Variants in EPHB2 observed in about 807,000 individuals in gnomAD.
EPHB2 encodes ephrin type-B receptor 2.
Under a neutral mutation model 96.4 loss-of-function variants are expected in EPHB2, and 18 were observed. That is an observed-to-expected ratio of 0.19 (90% CI 0.13 to 0.28). The LOEUF (loss-of-function observed/expected upper bound fraction) is 0.28. Ranked by LOEUF, EPHB2 falls within the 10% of genes least tolerant of loss-of-function variation. The probability of loss-of-function intolerance (pLI) is 1.00; values close to 1 mark genes in which losing one functional copy is unlikely to be tolerated. For synonymous variants in EPHB2, 506 were observed against 534.1 expected, an observed-to-expected ratio of 0.95 and a Z score of 0.72; for missense variants, 989 against 1,355.4, an observed-to-expected ratio of 0.73 and a Z score of 4.25.
At position 22,710,923 on chromosome 1, in the gene EPHB2, TCCCGCCCGG is replaced by T. The variant is rs1280179756; in HGVS notation, c.-59_-51del. 3 of 144,796 alleles carry T rather than the reference TCCCGCCCGG, an allele frequency of 2.1e-5. No homozygotes were observed. Among genetic ancestry groups the T allele is most frequent in the Non-Finnish European group, 4.6e-5 (3 of 65,322 alleles). 9.0% of individuals were successfully genotyped at this position (144,796 alleles called of 1,614,324 possible). On this transcript the variant is annotated 5_prime_UTR_variant, in exon 1 of 16. Coordinates refer to ENST00000374630, the MANE Select transcript of EPHB2 (RefSeq NM_017449.5). ...GGCCCCCCGAGCCCGGGGCGCGCGCTCCCGCCCGGGCCGTCCGGGCCCCGCGGCGCCGCG... is the reference window on the plus strand; with the variant it reads ...GGCCCCCCGAGCCCGGGGCGCGCGCTGCCGTCCGGGCCCCGCGGCGCCGCG...
intron 1 of EPHB2, among the ~76,000 whole-genome samples, chr1:22,734,916 C>CA (rs1643793966): frequency 6.6e-6 from 1 of 152,164 alleles, no homozygotes; most frequent in Admixed American, 6.5e-5. Context: ...ATAATGAATA[C>CA]AACTTTGTTT....
chr1:22,827,400 T>G (rs966349304), intron 3 of EPHB2, among the ~76,000 whole-genome samples: 2 of 152,186 alleles, frequency 1.3e-5, no homozygotes, highest in African/African-American at 4.8e-5. Flanking sequence ...GGAAGAGAGG[T>G]GCCCCTCGTC....
chr1:22,805,128 G>A (rs1644905672), intron 3 of EPHB2, among the ~76,000 whole-genome samples: 1 of 150,960 alleles, frequency 6.6e-6, no homozygotes, highest in African/African-American at 2.4e-5. Context: ...CCCAGGGCTG[G>A]CATCCTGCAG....
At chr1:22,721,802 CAG>C (rs1483244489) in intron 1 of EPHB2, among the ~76,000 whole-genome samples, 1 of 148,580 alleles carries the variant, frequency 6.7e-6, no homozygotes, top group African/African-American at 2.5e-5. Context: ...TTTGTAGAGA[CAG>C]AGTCTTTCAC....
At chr1:22,711,318 T>TG (rs1437576300) in intron 1 of EPHB2, among the ~76,000 whole-genome samples, 1 of 146,186 alleles carries the variant, frequency 6.8e-6, no homozygotes, top group East Asian at 2.1e-4. Flanking sequence ...CGCCCAGGGC[T>TG]GGGGGCTGCC....
chr1:22,882,248 C>T, intron 5 of EPHB2, 111 bp from the exon 6 acceptor site: 2 of 1,557,116 alleles, frequency 1.3e-6, no homozygotes, highest in South Asian at 1.1e-5. Context: ...GCCAGATGCC[C>T]TTCCCTCTCT....
chr1:22,862,994 CTTCATCCAGTTTCCTGGTGA>C (rs776403456), intron 3 of EPHB2, 23 bp from the exon 4 acceptor site: 149 of 1,613,788 alleles, frequency 9.2e-5, no homozygotes, highest in Non-Finnish European at 1.2e-4. Context: ...CTCTCTGAGT[CTTCATCCAGTTTCCTGGTGA>C]CTCTCCTTGT....
chr1:22,793,490 A>G, intron 3 of EPHB2, among the ~76,000 whole-genome samples: 1 of 152,178 alleles, frequency 6.6e-6, no homozygotes, highest in East Asian at 1.9e-4. Context: ...TAGTCCAGGA[A>G]AAAAATGGTT....
intron 1 of EPHB2, among the ~76,000 whole-genome samples, chr1:22,734,715 C>A (rs1643789689): frequency 6.6e-6 from 1 of 152,190 alleles, no homozygotes; most frequent in Non-Finnish European, 1.5e-5. Flanking sequence ...AGCTACCACT[C>A]CCGGCCTGAA....
intron 1 of EPHB2, among the ~76,000 whole-genome samples, chr1:22,765,760 AT>A (rs1644299915): frequency 6.6e-6 from 1 of 151,930 alleles, no homozygotes; most frequent in African/African-American, 2.4e-5. Context: ...GGGTGCAGAG[AT>A]TGCTGCATGC....
At chr1:22,792,213 A>G (rs1261168800) in intron 3 of EPHB2, among the ~76,000 whole-genome samples, 1 of 150,020 alleles carries the variant, frequency 6.7e-6, no homozygotes, top group Non-Finnish European at 1.5e-5. Flanking sequence ...GGGTGCGGTC[A>G]ATGGGGTGGG....
At chr1:22,871,019 C>A (rs1186265020) in intron 5 of EPHB2, among the ~76,000 whole-genome samples, 1 of 152,234 alleles carries the variant, frequency 6.6e-6, no homozygotes, top group Non-Finnish European at 1.5e-5. Flanking sequence ...TCACTCTAAT[C>A]CCCAAAACGG....
chr1:22,912,366 G>A (rs946500356), intron 14 of EPHB2, 78 bp from the exon 15 acceptor site: 24 of 1,591,440 alleles, frequency 1.5e-5, no homozygotes, highest in East Asian at 1.1e-4. Context: ...TCACGCATAC[G>A]CAGCCTACAG....
In EPHB2 at chr1:22,913,889, C is replaced by T. The variant is rs773604879; in HGVS notation, c.*319C>T. On this transcript the variant is annotated 3_prime_UTR_variant, in exon 16 of 16. Transcript: ENST00000374630. This position sits in a 1 kb window ranked among gnomAD's most constrained non-coding sequence, Gnocchi z 4.1. ...GGGATAAAAAAGGGCTTGGGAGATT[C>T]ATGCGATGTGTCCAATCGGAGACAA... 2 of 1,575,820 alleles carry T rather than the reference C, an allele frequency of 1.3e-6. No homozygotes were observed. Among genetic ancestry groups the T allele is most frequent in the Admixed American group, 1.9e-5 (1 of 52,940 alleles).
At chr1:22,910,283 G>A in intron 13 of EPHB2, 99 bp from the exon 14 acceptor site, 2 of 1,495,240 alleles carry the variant, frequency 1.3e-6, no homozygotes, top group Admixed American at 1.7e-5. Context: ...CAACTAAATA[G>A]GTCAGACGTG....
At chr1:22,861,619 G>A (rs1638262269) in intron 3 of EPHB2, among the ~76,000 whole-genome samples, 1 of 152,160 alleles carries the variant, frequency 6.6e-6, no homozygotes, top group Admixed American at 6.6e-5. Flanking sequence ...GCATGGCCAG[G>A]AGACCCCCAG....
At chr1:22,839,955 G>A (rs974885077) in intron 3 of EPHB2, among the ~76,000 whole-genome samples, 2 of 152,180 alleles carry the variant, frequency 1.3e-5, no homozygotes, top group Non-Finnish European at 2.9e-5. Flanking sequence ...TAGGCTGGGA[G>A]CCCGGATAGG....
intron 5 of EPHB2, among the ~76,000 whole-genome samples, chr1:22,879,977 A>C (rs370616625): frequency 1.3e-5 from 2 of 151,478 alleles, no homozygotes; most frequent in East Asian, 3.9e-4. Context: ...GTCTCGGGAC[A>C]ATTTTCCATA....
At chr1:22,901,517 A>T (rs938267643) in intron 9 of EPHB2, among the ~76,000 whole-genome samples, 3 of 152,202 alleles carry the variant, frequency 2.0e-5, no homozygotes, top group African/African-American at 7.2e-5. Context: ...AGCAACAGCC[A>T]GTGGCCGACA....
Sources: allele counts gnomAD v4.1 joint callset (sites outside exome capture counted in the v4.1 genomes callset), GRCh38; gene constraint gnomAD v4.1.1; non-coding constraint Gnocchi (gnomAD v3.1); transcripts MANE v1.5; gene names NCBI Gene and HGNC (gene_info 2026-07-23, HGNC 2026-07-21).